The following ZNF500 variants were observed in gnomAD, a reference collection of about 807,000 sequenced individuals.
ZNF500 encodes the protein zinc finger protein 500.
In ZNF500, 31 loss-of-function variants were observed where a neutral mutation model predicts 30.1. The ratio of observed to expected loss-of-function variants is 1.03; its 90% CI spans 0.77 to 1.39. The LOEUF is 1.39. Ranked by LOEUF, ZNF500 falls within the 40% of genes most tolerant of loss-of-function variation. The pLI is 0.00. For synonymous variants in ZNF500, 392 were observed against 282.0 expected (o/e 1.39, Z -3.91); for missense variants, 817 against 657.8 (o/e 1.24, Z -2.65).
intron 3 of ZNF500, 96 bp downstream of exon 3, chr16:4,762,477 C>A (rs1363581937): frequency 8.6e-6 from 13 of 1,513,542 alleles, no homozygotes; most frequent in Non-Finnish European, 1.2e-5. Context: ...ACCCTGCATC[C>A]AGGCAGGCCT....
chr16:4,763,736 C>CTG (rs4039282), intron 2 of ZNF500: 661,346 of 985,036 alleles, frequency 0.67, 224,090 homozygotes, highest in East Asian at 0.72. Flanking sequence ...ACCCCAAACA[C>CTG]TGAAGCTGTG....
downstream of ZNF500, chr16:4,746,517 G>T (rs200828958): frequency 6.2e-7 from 1 of 1,612,230 alleles, no homozygotes; most frequent in East Asian, 2.2e-5. Context: ...AGAAAGGTCC[G>T]GAGGGCAGTG....
In ZNF500 at chr16:4,749,850, C is replaced by G. The variant is rs2082061720; in HGVS notation, c.*2526G>C. Reference sequence around the variant, plus strand: ...AAAAGGAGACTAATGGGAGTCCCCCCTCACTGGACTGCATGAGATAACATC... The same window carrying G: ...AAAAGGAGACTAATGGGAGTCCCCCGTCACTGGACTGCATGAGATAACATC... On this transcript the variant is annotated 3_prime_UTR_variant, in exon 6 of 6. Transcript: ENST00000219478. The G allele has an allele frequency of 6.6e-6, 1 of 152,154 alleles. No individual in the cohort carries two copies. Among genetic ancestry groups the G allele is most frequent in the Non-Finnish European group, 1.5e-5 (1 of 68,052 alleles). The allele number at this position is 152,154 out of a possible 1,614,324, so 9.4% of individuals were successfully genotyped here.
chr16:4,765,864 C>A lies in ZNF500; in HGVS notation c.115G>T (p.Val39Leu), dbSNP rs149303784. 2.5e-6 allele frequency: 4 copies of A among 1,613,684 alleles called. No homozygotes were observed. Among genetic ancestry groups the A allele is most frequent in the Non-Finnish European group, 3.4e-6 (4 of 1,180,030 alleles). ...EDFCLEEEPS[V>L]ETEDPSPETF... Reference sequence around the variant, plus strand: ...TCAGGGCTGGGGTCCTCCGTCTCCACGGAGGGCTCCTCTTCCAAGCAGAAG... The same window carrying A: ...TCAGGGCTGGGGTCCTCCGTCTCCAAGGAGGGCTCCTCTTCCAAGCAGAAG... The change falls in exon 2 of 6, where the codon GTG (valine) becomes TTG (leucine). Residue 39 changes from valine (V) to leucine (L), a missense_variant. Physicochemically the swap from Val to Leu is conservative, Grantham distance 32. Transcript: ENST00000219478.
intron 4 of ZNF500, 88 bp from the exon 5 acceptor site, chr16:4,760,676 A>G (rs2082188604): frequency 2.5e-6 from 3 of 1,209,444 alleles, no homozygotes; most frequent in African/African-American, 1.5e-5. Context: ...CTGCACCGCC[A>G]CTGCCCCTCG....
At chr16:4,760,671 C>T in intron 4 of ZNF500, 83 bp from the exon 5 acceptor site, 1 of 1,233,994 alleles carries the variant, frequency 8.1e-7, no homozygotes, top group Non-Finnish European at 1.2e-6. Flanking sequence ...GGGAGCTGCA[C>T]CGCCACTGCC....
At chr16:4,747,622 A>G (rs780448390), downstream of ZNF500, 109 of 1,602,414 alleles carry the variant, frequency 6.8e-5, no homozygotes, top group Non-Finnish European at 9.2e-5. Flanking sequence ...TGGAGCAACT[A>G]TAGCTGCCTC....
intron 5 of ZNF500, among the ~76,000 whole-genome samples, chr16:4,755,164 G>A (rs1232199491): frequency 6.6e-6 from 1 of 152,094 alleles, no homozygotes; most frequent in South Asian, 2.1e-4. Context: ...TTACAGCAAT[G>A]CGAGAATGAC....
Position 4,760,569 on chromosome 16 carries a change from T to G in ZNF500, c.683A>C (p.Asp228Ala). 6.2e-7 allele frequency: 1 copy of G among 1,613,124 alleles called. No homozygotes were observed. Among genetic ancestry groups the G allele is most frequent in the East Asian group, 2.2e-5 (1 of 44,784 alleles). Reference protein sequence around the residue: ...AWSQVPVNLEDVAVYLSGEEP... With the variant: ...AWSQVPVNLEAVAVYLSGEEP... ...CTCCCCAGAAAGGTATACAGCCACG[T>G]CCTCCAAGTTCACGGGCACCTGCCA... Residue 228 changes from aspartate (D) to alanine (A), a missense_variant, in exon 5 of 6, where the codon GAC becomes GCC. Physicochemically the swap from Asp to Ala is moderately radical, Grantham distance 126. Transcript: ENST00000219478.
chr16:4,758,462 G>T (rs2082161973), intron 5 of ZNF500: 1 of 152,192 alleles, frequency 6.6e-6, no homozygotes, highest in Non-Finnish European at 1.5e-5. Flanking sequence ...TTTGCACAGG[G>T]AATGAACTGG....
chr16:4,747,157 C>G, downstream of ZNF500: 1 of 1,202,642 alleles, frequency 8.3e-7, no homozygotes, highest in Non-Finnish European at 1.2e-6. Context: ...AGGGGGACGG[C>G]ACAGCTTTCA....
chr16:4,747,430 G>T, downstream of ZNF500: 1 of 1,613,044 alleles, frequency 6.2e-7, no homozygotes, highest in Non-Finnish European at 8.5e-7. Flanking sequence ...CCAGCAAGGG[G>T]CCCGCGGGTG....
downstream of ZNF500, chr16:4,744,854 C>A: frequency 1.2e-6 from 2 of 1,608,572 alleles, no homozygotes; most frequent in South Asian, 2.2e-5. Flanking sequence ...TCAGCCTCTC[C>A]TTTGGCCATC....
At chr16:4,745,981 A>T (rs1360380408), downstream of ZNF500, among the ~76,000 whole-genome samples, 1 of 152,032 alleles carries the variant, frequency 6.6e-6, no homozygotes, top group East Asian at 1.9e-4. Flanking sequence ...AAAAAGAAAA[A>T]GAAATGGAGA....
At position 4,762,422 on chromosome 16, in the gene ZNF500, G is replaced by A. The variant is rs777703436; in HGVS notation, c.599-87C>T. The A allele has an allele frequency of 3.0e-4, 458 of 1,524,008 alleles. 1 individual carries two copies. Among genetic ancestry groups the A allele is most frequent in the Non-Finnish European group, 3.9e-4 (438 of 1,131,068 alleles). 94.4% of individuals were successfully genotyped at this position (1,524,008 alleles called of 1,614,324 possible). A position where few individuals can be genotyped will look rare whatever the true frequency, so the allele number is the denominator to read the frequency against. ...CTGCACACCAAGGCCCCAACAGCCCGGCGGCTGCCCACCCAAGATCCACTC... is the reference window on the plus strand; with the variant it reads ...CTGCACACCAAGGCCCCAACAGCCCAGCGGCTGCCCACCCAAGATCCACTC... On this transcript the variant is annotated intron_variant, in intron 3 of 5. Coordinates refer to ENST00000219478, the MANE Select transcript of ZNF500 (RefSeq NM_021646.4).
chr16:4,751,752 C>T lies in ZNF500; in HGVS notation c.*624G>A, dbSNP rs1467616240. 5 of 1,043,488 alleles carry T rather than the reference C, an allele frequency of 4.8e-6. No homozygotes were observed. In the Admixed American group the frequency reaches 8.4e-5, roughly 17 times the overall value. 64.6% of individuals were successfully genotyped at this position (1,043,488 alleles called of 1,614,324 possible). A position where few individuals can be genotyped will look rare whatever the true frequency, so the allele number is the denominator to read the frequency against. ...TAAACCCAGTGAGTGGTGGCCCTAC[C>T]AAAAAAGAGACTGGGCATGGCGGCA... On this transcript the variant is annotated 3_prime_UTR_variant, in exon 6 of 6. Transcript: ENST00000219478.
chr16:4,754,309 T>C (rs555130817), intron 5 of ZNF500, among the ~76,000 whole-genome samples: 1 of 152,188 alleles, frequency 6.6e-6, no homozygotes, highest in East Asian at 1.9e-4. Context: ...CAGGACCAAC[T>C]TCCAGATAGC....
chr16:4,752,874 T>C lies in ZNF500; in HGVS notation c.945A>G (p.Arg315=), dbSNP rs752810602. ...GCTTGTCAGCCCCATGGGAAGCCCG[T>C]CTTCCTGGTGGGGGGCCGCCTCTTG... is the stretch of plus-strand genomic sequence containing the variant. ...DQPRGGPPPG[R]RASHGADKPY... Residue 315 remains arginine (R), a synonymous_variant, in exon 6 of 6, where the codon AGA becomes AGG. Coordinates refer to ENST00000219478, the MANE Select transcript of ZNF500 (RefSeq NM_021646.4). 2 of 1,614,072 alleles carry C rather than the reference T, an allele frequency of 1.2e-6. No individual in the cohort carries two copies. The highest frequency in any genetic ancestry group is 1.7e-6 in the Non-Finnish European group (2 of 1,180,032).
chr16:4,765,850 G>GTCCTCCGTCTCCACGGAGGGC lies in ZNF500; in HGVS notation c.108_128dup (p.Glu36_Glu42dup). 1.2e-6 allele frequency: 2 copies of GTCCTCCGTCTCCACGGAGGGC among 1,613,752 alleles called. No individual in the cohort carries two copies. The highest frequency in any genetic ancestry group is 1.7e-6 in the Non-Finnish European group (2 of 1,180,012). ...GCTGGCGGAAAGTCTCAGGGCTGGGGTCCTCCGTCTCCACGGAGGGCTCCT... is the reference window on the plus strand; with the variant it reads ...GCTGGCGGAAAGTCTCAGGGCTGGGGTCCTCCGTCTCCACGGAGGGCTCCTCCGTCTCCACGGAGGGCTCCT... On this transcript the variant is annotated inframe_insertion, in exon 2 of 6. Coordinates refer to ENST00000219478, the MANE Select transcript of ZNF500 (RefSeq NM_021646.4).
Sources: allele counts gnomAD v4.1 joint callset (sites outside exome capture counted in the v4.1 genomes callset), GRCh38; gene constraint gnomAD v4.1.1; transcripts MANE v1.5; gene names NCBI Gene and HGNC (gene_info 2026-07-23, HGNC 2026-07-21).